SYTL4: variants seen among roughly 807,000 people sequenced by gnomAD.
SYTL4 encodes the protein synaptotagmin like 4, also known as synaptotagmin-like protein 4.
SYTL4 carries 16 observed loss-of-function variants against 52.7 expected under a neutral mutation model. That is an observed-to-expected ratio of 0.30 (90% CI 0.21 to 0.46). SYTL4 has a LOEUF of 0.46. SYTL4 is among the 20% of genes least tolerant of loss of function. The probability of loss-of-function intolerance (pLI) is 1.00; values close to 1 mark genes in which losing one functional copy is unlikely to be tolerated. For missense variants in SYTL4, 423 were observed against 519.9 expected (o/e 0.81, Z 1.81); for synonymous variants, 160 against 186.6 (o/e 0.86, Z 1.16).
At chrX:100,686,295 C>G (rs1240800815) in intron 15 of SYTL4, 144 bp from the exon 16 acceptor site, 2 of 556,018 alleles carry the variant, frequency 3.6e-6, no homozygotes, top group Non-Finnish European at 5.4e-6. Context: ...TTTGAGTTTC[C>G]TCACTCAAAG....
chrX:100,687,292 G>A (rs1223768172), intron 13 of SYTL4, 47 bp from the exon 14 acceptor site: 3 of 1,082,751 alleles, frequency 2.8e-6, no homozygotes, highest in Non-Finnish European at 3.8e-6. Context: ...ACACTCCCCC[G>A]CCCGCATTGC....
intron 2 of SYTL4, among the ~76,000 whole-genome samples, chrX:100,718,139 G>T (rs892920302): frequency 3.6e-5 from 4 of 111,519 alleles, no homozygotes; most frequent in African/African-American, 6.5e-5. Flanking sequence ...ACCCAATATT[G>T]GTAGCTGTTT....
Position 100,701,992 on chromosome X carries a change from C to T in SYTL4, c.46G>A (p.Asp16Asn). 8.3e-7 allele frequency: 1 copy of T among 1,210,078 alleles called. No homozygotes were observed. The stretch of plus-strand genomic sequence containing the variant: ...CGCTGTAGAACACTGAGAATCAAAT[C>T]CTTTTCCTCCTCAGACAGAAAAGAA... ...DLSFLSEEEK[D>N]LILSVLQRDE... is the part of the protein sequence containing the mutation. The change falls in exon 5 of 20, where the codon GAT becomes AAT. Residue 16 changes from aspartate to asparagine, a missense_variant. Coordinates refer to ENST00000372989, the MANE Select transcript of SYTL4 (RefSeq NM_001370165.1).
chrX:100,700,941 G>A lies in SYTL4; in HGVS notation c.495C>T (p.Ile165=). 8.3e-7 allele frequency: 1 copy of A among 1,210,889 alleles called. No homozygotes were observed. The highest frequency in any genetic ancestry group is 1.7e-5 in the African/African-American group (1 of 57,794). ...CCTGAATGATCTTTCTTCCTGGCCA[G>A]ATGTCACCCATCTGTGTCTGATGAA... The part of the protein sequence containing the change: ...SLLHQTQMGD[I]WPGRKIIQER... Residue 165 remains isoleucine (I), a synonymous_variant, in exon 8 of 20, where the codon ATC becomes ATT. Transcript: ENST00000372989.
At chrX:100,680,707 T>C (rs2083357187) in intron 17 of SYTL4, among the ~76,000 whole-genome samples, 1 of 112,297 alleles carries the variant, frequency 8.9e-6, no homozygotes, top group Non-Finnish European at 1.9e-5. Flanking sequence ...ATGTTACTTC[T>C]TCAAAGCTCT....
chrX:100,691,762 TCTC>T (rs1346038861), intron 8 of SYTL4, among the ~76,000 whole-genome samples: 1 of 111,355 alleles, frequency 9.0e-6, no homozygotes, highest in African/African-American at 3.3e-5. Flanking sequence ...ATGGTCTCGA[TCTC>T]CTGACCTCGT....
intron 2 of SYTL4, among the ~76,000 whole-genome samples, chrX:100,715,156 G>T (rs1294892611): frequency 9.0e-6 from 1 of 111,128 alleles, no homozygotes; most frequent in Admixed American, 9.6e-5. Context: ...CAGTAGCTGG[G>T]ATTGCAGGCA....
intron 2 of SYTL4, among the ~76,000 whole-genome samples, chrX:100,725,571 T>C (rs1000713770): frequency 8.9e-6 from 1 of 112,459 alleles, no homozygotes; most frequent in Non-Finnish European, 1.9e-5. Context: ...ACAATCTGAT[T>C]TCTAAGAAAA....
chrX:100,692,824 T>G (rs1256683082), intron 8 of SYTL4, among the ~76,000 whole-genome samples: 1 of 111,607 alleles, frequency 9.0e-6, no homozygotes, highest in Non-Finnish European at 1.9e-5. Flanking sequence ...ATGTCCAAAC[T>G]TCTTCCTTGG....
rs774175887 is a variant in SYTL4 at position 100,676,103 on chromosome X, T to A, written c.1941A>T (p.Arg647=). ...GEEVSLWQKM[R]QYPGSWAEGT... is the part of the protein sequence containing the mutation. The stretch of plus-strand genomic sequence containing the variant: ...CTTCTGCCCAAGACCCTGGGTACTG[T>A]CGCATCTTCTGCCACAGGCTCACTT... The change falls in exon 20 of 20, where the codon CGA becomes CGT. Residue 647 remains arginine (R), a synonymous_variant. Transcript: ENST00000372989. 2 of 1,210,865 alleles carry A rather than the reference T, an allele frequency of 1.7e-6. No homozygotes were observed. The highest frequency in any genetic ancestry group is 1.1e-6 in the Non-Finnish European group (1 of 895,244).
rs2083264877 is a variant in SYTL4 at position 100,675,789 on chromosome X, C to T, written c.*239G>A. On this transcript the variant is annotated 3_prime_UTR_variant, in exon 20 of 20. Transcript: ENST00000372989. Reference sequence around the variant, plus strand: ...AAATAAACTAGATTATACACAGAAACATTTTAAAGAAATGCTTATTCTTGA... The same window carrying T: ...AAATAAACTAGATTATACACAGAAATATTTTAAAGAAATGCTTATTCTTGA... 1.7e-5 allele frequency: 5 copies of T among 298,491 alleles called. No homozygotes were observed. The highest frequency in any genetic ancestry group is 2.9e-5 in the Non-Finnish European group (5 of 171,831). 24.6% of individuals were successfully genotyped at this position (298,491 alleles called of 1,213,427 possible).
At chrX:100,695,268 T>A (rs999483506) in intron 8 of SYTL4, among the ~76,000 whole-genome samples, 13 of 111,687 alleles carry the variant, frequency 1.2e-4, no homozygotes, top group African/African-American at 3.6e-4. Flanking sequence ...CTTATCCTGC[T>A]TTCTTTTCTG....
chrX:100,686,671 A>G lies in SYTL4; in HGVS notation c.1287+8T>C. 8.5e-7 allele frequency: 1 copy of G among 1,174,674 alleles called. No individual in the cohort carries two copies. Among genetic ancestry groups the G allele is most frequent in the African/African-American group, 1.7e-5 (1 of 57,172 alleles). On this transcript the variant is annotated splice_region_variant and intron_variant, in intron 15 of 19. Coordinates refer to ENST00000372989, the MANE Select transcript of SYTL4 (RefSeq NM_001370165.1). ...AAGTTCTCCTACCCTTGAGGTCTAG[A>G]TACTTACCCTCAGCGTCTCATCATA...
chrX:100,693,077 G>A (rs1027387731), intron 8 of SYTL4, among the ~76,000 whole-genome samples: 21 of 111,479 alleles, frequency 1.9e-4, no homozygotes, highest in Non-Finnish European at 3.8e-4. Context: ...TTACAGGTTT[G>A]TGCCACCATG....
intron 8 of SYTL4, among the ~76,000 whole-genome samples, chrX:100,700,223 T>C (rs2083819023): frequency 8.9e-6 from 1 of 111,918 alleles, no homozygotes. Flanking sequence ...GTATAGTATG[T>C]GAATTATATA....
intron 17 of SYTL4, among the ~76,000 whole-genome samples, chrX:100,680,139 C>T (rs1296675974): frequency 9.0e-6 from 1 of 111,610 alleles, no homozygotes; most frequent in East Asian, 2.8e-4. Flanking sequence ...CAATCTAATG[C>T]CAATTGGCCA....
chrX:100,716,224 C>T (rs2084205793), intron 2 of SYTL4, among the ~76,000 whole-genome samples: 1 of 106,209 alleles, frequency 9.4e-6, no homozygotes, highest in Non-Finnish European at 1.9e-5. Context: ...CCGAGGCGGG[C>T]GGATCACCTG....
intron 8 of SYTL4, among the ~76,000 whole-genome samples, chrX:100,700,665 G>T (rs2083829483): frequency 8.9e-6 from 1 of 111,824 alleles, no homozygotes; most frequent in African/African-American, 3.2e-5. Flanking sequence ...ACCTGAGAAA[G>T]CGAATGCAAA....
intron 2 of SYTL4, among the ~76,000 whole-genome samples, chrX:100,713,870 T>G (rs1452314425): frequency 4.6e-5 from 5 of 109,734 alleles, no homozygotes; most frequent in African/African-American, 1.7e-4. Flanking sequence ...AAAAAAACAC[T>G]GTATGATTTC....
Sources: gnomAD v4.1 joint callset for allele counts (sites outside exome capture counted in the v4.1 genomes callset) on GRCh38, gnomAD v4.1.1 for gene constraint, MANE v1.5 for transcripts, NCBI Gene and HGNC (gene_info 2026-07-23, HGNC 2026-07-21) for gene names.